The following PATJ variants were observed in gnomAD, a reference collection of about 807,000 sequenced individuals.
PATJ encodes PATJ crumbs cell polarity complex component, also known as inaD-like protein.
Under a neutral mutation model 224.9 loss-of-function variants are expected in PATJ, and 190 were observed. The ratio of observed to expected loss-of-function variants is 0.84; its 90% CI spans 0.75 to 0.95. The LOEUF is 0.95. PATJ is among the 40% of genes least tolerant of loss of function. The pLI is 0.00. For missense variants in PATJ, 2,121 were observed against 2,270.3 expected (o/e 0.93, Z 1.34); for synonymous variants, 769 against 820.3 (o/e 0.94, Z 1.07).
At chr1:61,754,266 C>T (rs75696041) in intron 1 of PATJ, among the ~76,000 whole-genome samples, 10,566 of 152,258 alleles carry the variant, frequency 0.069, 394 homozygotes, top group South Asian at 0.16. Context: ...CTTAACTAAA[C>T]AGGTCAATTT....
chr1:62,131,207 A>G (rs1400414810), intron 41 of PATJ, among the ~76,000 whole-genome samples: 1 of 152,120 alleles, frequency 6.6e-6, no homozygotes, highest in Admixed American at 6.5e-5. Flanking sequence ...GGAAACCTAC[A>G]CAGTTAACTG....
At chr1:62,155,693 A>T (rs1052758581) in intron 43 of PATJ, among the ~76,000 whole-genome samples, 47 of 24,348 alleles carry the variant, frequency 1.9e-3, no homozygotes, top group African/African-American at 4.8e-3. Context: ...CTCTGAATTT[A>T]AAAAAAAAAA....
At chr1:61,981,096 C>G (rs1397154714) in intron 27 of PATJ, among the ~76,000 whole-genome samples, 1 of 151,844 alleles carries the variant, frequency 6.6e-6, no homozygotes, top group African/African-American at 2.4e-5. Context: ...TTATTTAATC[C>G]CGAAGCCTGA....
chr1:62,143,921 G>C (rs1348107172), intron 41 of PATJ, among the ~76,000 whole-genome samples: 1 of 152,158 alleles, frequency 6.6e-6, no homozygotes, highest in Admixed American at 6.6e-5. Flanking sequence ...CCAGAAGAGT[G>C]TGGGTCATGG....
chr1:62,105,612 C>A (rs4915797), intron 33 of PATJ, among the ~76,000 whole-genome samples: 29,092 of 152,014 alleles, frequency 0.19, 2,936 homozygotes, highest in South Asian at 0.32. Context: ...TGTAAACACT[C>A]CCTGGGTCTG....
At chr1:61,834,219 A>G (rs1659809120) in intron 17 of PATJ, among the ~76,000 whole-genome samples, 1 of 152,198 alleles carries the variant, frequency 6.6e-6, no homozygotes, top group Admixed American at 6.5e-5. Flanking sequence ...AAGAAATCCC[A>G]TACACATTAG....
chr1:62,061,415 C>T (rs958949082), intron 31 of PATJ, among the ~76,000 whole-genome samples: 3 of 152,192 alleles, frequency 2.0e-5, no homozygotes, highest in Non-Finnish European at 4.4e-5. Flanking sequence ...CTCCTGATCT[C>T]AGGTGATCCA....
intron 38 of PATJ, 60 bp downstream of exon 38, chr1:62,121,355 T>A (rs1261721745): frequency 1.9e-5 from 15 of 799,838 alleles, no homozygotes; most frequent in African/African-American, 4.3e-5. Context: ...AAAAAAAAAA[T>A]GTGTTTTTTA....
intron 14 of PATJ, among the ~76,000 whole-genome samples, chr1:61,818,818 G>A (rs756360636): frequency 1.1e-4 from 17 of 152,176 alleles, no homozygotes; most frequent in Non-Finnish European, 1.8e-4. Context: ...GAGCCTCTGC[G>A]AATCCTGACT....
chr1:61,810,699 A>AAAATAAAT lies in PATJ; in HGVS notation c.1683+2209_1683+2216dup, dbSNP rs141039243. ...GCAACAGAGCGAGACTCTGTCTCAAAAAATAAATAAATAAATAAATAAATA... is the reference window on the plus strand; with the variant it reads ...GCAACAGAGCGAGACTCTGTCTCAAAAAATAAATAAATAAATAAATAAATAAATAAATA... On this transcript the variant is annotated intron_variant, in intron 14 of 43. Coordinates refer to ENST00000642238, the MANE Select transcript of PATJ (RefSeq NM_001350145.3). Among the ~76,000 whole-genome samples, 142 of 144,084 alleles carry AAAATAAAT rather than the reference A, an allele frequency of 9.9e-4. 1 individual carries two copies. Among genetic ancestry groups the AAAATAAAT allele is most frequent in the East Asian group, 1.4e-3 (7 of 4,912 alleles). The allele number at this position is 144,084 out of a possible 152,430, so 94.5% of individuals were successfully genotyped here.
chr1:62,104,527 C>A (rs1365802965), intron 33 of PATJ, among the ~76,000 whole-genome samples: 1 of 152,060 alleles, frequency 6.6e-6, no homozygotes, highest in East Asian at 1.9e-4. Context: ...CAGGGGCACA[C>A]AATAAGAAAT....
At chr1:61,902,704 A>G (rs1367097357) in intron 24 of PATJ, among the ~76,000 whole-genome samples, 2 of 152,190 alleles carry the variant, frequency 1.3e-5, no homozygotes, top group African/African-American at 2.4e-5. Flanking sequence ...TGGTGTTTAC[A>G]TGATAGTGGG....
chr1:62,003,104 G>A (rs142148128), intron 28 of PATJ, among the ~76,000 whole-genome samples: 17 of 152,256 alleles, frequency 1.1e-4, no homozygotes, highest in African/African-American at 4.1e-4. Flanking sequence ...TGATTCCTCT[G>A]TAATATAAGA....
At chr1:61,947,617 A>G (rs1216266495) in intron 27 of PATJ, among the ~76,000 whole-genome samples, 1 of 152,226 alleles carries the variant, frequency 6.6e-6, no homozygotes, top group African/African-American at 2.4e-5. Context: ...GAGAATCAAT[A>G]TCACGGAAAT....
At chr1:61,764,356 A>T (rs967291665) in intron 3 of PATJ, among the ~76,000 whole-genome samples, 5 of 151,980 alleles carry the variant, frequency 3.3e-5, no homozygotes, top group African/African-American at 1.2e-4. Flanking sequence ...GCTCTAATAC[A>T]TCATTATTGA....
intron 28 of PATJ, among the ~76,000 whole-genome samples, chr1:61,998,044 ATATAT>A (rs1645518209): frequency 8.2e-6 from 1 of 121,510 alleles, no homozygotes. Context: ...TATATTTATT[ATATAT>A]ATTATATATA....
Position 61,856,098 on chromosome 1 carries a change from A to T in PATJ, c.2181A>T (p.Arg727Ser), listed in dbSNP as rs747719912. ...TGGTAGCAGATGGTGTAGCAGAAAG[A>T]AGTGGGGGACTATTACCTGGAGACC... ...RSLVADGVAE[R>S]SGGLLPGDRL... Residue 727 changes from arginine (R) to serine (S), a missense_variant, in exon 18 of 44, where the codon AGA (arginine) becomes AGT (serine). Transcript: ENST00000642238. 21 of 1,614,002 alleles carry T rather than the reference A, an allele frequency of 1.3e-5. No homozygotes were observed. The highest frequency in any genetic ancestry group is 1.5e-5 in the Non-Finnish European group (18 of 1,179,976).
chr1:61,850,036 C>T (rs1001053988), intron 17 of PATJ, among the ~76,000 whole-genome samples: 1 of 152,136 alleles, frequency 6.6e-6, no homozygotes, highest in African/African-American at 2.4e-5. Context: ...CTTCTGTCTC[C>T]TCTTTATGTC....
At chr1:62,050,510 G>A (rs556579265) in intron 30 of PATJ, among the ~76,000 whole-genome samples, 23 of 152,344 alleles carry the variant, frequency 1.5e-4, no homozygotes, top group Admixed American at 5.2e-4. Context: ...GGTCGTCCAT[G>A]GAAACTTGGG....
Sources: allele counts gnomAD v4.1 joint callset (sites outside exome capture counted in the v4.1 genomes callset), GRCh38; gene constraint gnomAD v4.1.1; transcripts MANE v1.5; gene names NCBI Gene and HGNC (gene_info 2026-07-23, HGNC 2026-07-21).